NEDD1: variants seen among roughly 807,000 people sequenced by gnomAD.
The protein encoded by NEDD1 is protein NEDD1.
In NEDD1, 33 loss-of-function variants were observed where a neutral mutation model predicts 74.0. That is an observed-to-expected ratio of 0.45 (90% CI 0.34 to 0.60). The LOEUF (loss-of-function observed/expected upper bound fraction) is 0.60, where lower values mean the gene tolerates loss of function less well. NEDD1 is among the 20% of genes least tolerant of loss of function. The pLI is 0.01. For synonymous variants in NEDD1, 250 were observed against 264.4 expected, an observed-to-expected ratio of 0.95 and a Z score of 0.53; for missense variants, 746 against 776.5, an observed-to-expected ratio of 0.96 and a Z score of 0.47.
intron 4 of NEDD1, among the ~76,000 whole-genome samples, chr12:96,913,260 G>A (rs1874106175): frequency 6.6e-6 from 1 of 152,142 alleles, no homozygotes; most frequent in Non-Finnish European, 1.5e-5. Flanking sequence ...CACCTGTACT[G>A]AGGGGCCTGT....
At chr12:96,927,639 A>T (rs1161831107) in intron 6 of NEDD1, among the ~76,000 whole-genome samples, 1 of 152,210 alleles carries the variant, frequency 6.6e-6, no homozygotes, top group Non-Finnish European at 1.5e-5. Context: ...AGTATATGTT[A>T]TTCAGTATAT....
intron 3 of NEDD1, 186 bp from the exon 4 acceptor site, chr12:96,912,537 T>C: frequency 2.3e-6 from 1 of 426,076 alleles, no homozygotes; most frequent in Non-Finnish European, 4.1e-6. Flanking sequence ...TTCCCTGCAG[T>C]AGTAGCAAAG....
intron 3 of NEDD1, among the ~76,000 whole-genome samples, chr12:96,911,700 G>A (rs536340804): frequency 6.6e-6 from 1 of 152,110 alleles, no homozygotes; most frequent in African/African-American, 2.4e-5. Context: ...TATATTCTAA[G>A]GAGAAAAGTA....
Position 96,920,070 on chromosome 12 carries a change from T to C in NEDD1, c.434T>C (p.Leu145Ser). The change falls in exon 6 of 16, where the codon TTA becomes TCA. Residue 145 changes from leucine (L) to serine (S), a missense_variant. Around this residue, in one of 3 missense-constraint regions of NEDD1, gnomAD observed 706 missense variants for 706.7 expected, o/e 1.00. Coordinates refer to ENST00000266742, the MANE Select transcript of NEDD1 (RefSeq NM_152905.4). The part of the protein sequence containing the change: ...ASGSLSGEII[L>S]HSVTTNLSST... ...GGATCTCTTAGTGGTGAAATTATTT[T>C]ACACAGTGTAACCACTAATTTATCT... The C allele has an allele frequency of 6.2e-7, 1 of 1,605,246 alleles. No individual in the cohort carries two copies. The highest frequency in any genetic ancestry group is 8.5e-7 in the Non-Finnish European group (1 of 1,172,376).
chr12:96,943,638 A>T lies in NEDD1; in HGVS notation c.1373A>T (p.His458Leu). ...GTAACTTCAAGTACTTCAGTATTGC[A>T]TTCTAGTCCTCTTAATGTTTTTATG... ...NPVTSSTSVL[H>L]SSPLNVFMGS... The change falls in exon 12 of 16, where the codon CAT becomes CTT. Residue 458 changes from histidine (H) to leucine (L), a missense_variant. Physicochemically the swap from His to Leu is moderately conservative, Grantham distance 99. Coordinates refer to ENST00000266742, the MANE Select transcript of NEDD1 (RefSeq NM_152905.4). 1 of 1,611,954 alleles carries T rather than the reference A, an allele frequency of 6.2e-7. No individual in the cohort carries two copies. The highest frequency in any genetic ancestry group is 2.2e-5 in the East Asian group (1 of 44,836).
chr12:96,908,621 C>A (rs1257705273), intron 2 of NEDD1, among the ~76,000 whole-genome samples: 1 of 152,102 alleles, frequency 6.6e-6, no homozygotes, highest in Non-Finnish European at 1.5e-5. Flanking sequence ...CAGCTGTATG[C>A]TCTGAATAAA....
chr12:96,915,612 G>A (rs905036560), intron 4 of NEDD1, among the ~76,000 whole-genome samples: 2 of 152,168 alleles, frequency 1.3e-5, no homozygotes, highest in African/African-American at 4.8e-5. Flanking sequence ...ATCCAAGGAT[G>A]CACTGTGGAA....
chr12:96,926,050 A>G (rs1034740396), intron 6 of NEDD1, among the ~76,000 whole-genome samples: 1 of 152,238 alleles, frequency 6.6e-6, no homozygotes, highest in African/African-American at 2.4e-5. Flanking sequence ...TTTGATGGCT[A>G]AATGAGATGG....
intron 6 of NEDD1, among the ~76,000 whole-genome samples, chr12:96,932,670 G>T (rs894415768): frequency 6.7e-6 from 1 of 150,266 alleles, no homozygotes; most frequent in African/African-American, 2.4e-5. Context: ...AGAAATAATT[G>T]GAGACATTTA....
chr12:96,909,111 G>T (rs1292750961), intron 2 of NEDD1, among the ~76,000 whole-genome samples: 2 of 149,834 alleles, frequency 1.3e-5, no homozygotes. Context: ...GGAAGGCGGA[G>T]GTTGTGGTGA....
At chr12:96,916,018 A>G (rs1023798891) in intron 4 of NEDD1, among the ~76,000 whole-genome samples, 1 of 152,116 alleles carries the variant, frequency 6.6e-6, no homozygotes, top group African/African-American at 2.4e-5. Flanking sequence ...GGGTTCAGTG[A>G]ATTTAGCTTT....
intron 9 of NEDD1, 53 bp from the exon 10 acceptor site, chr12:96,940,356 A>G (rs1467537357): frequency 1.8e-6 from 2 of 1,137,420 alleles, no homozygotes; most frequent in Non-Finnish European, 2.5e-6. Flanking sequence ...CTAGCTTATG[A>G]TAAAATTTAT....
chr12:96,915,254 C>T lies in NEDD1; in HGVS notation c.232-2367C>T, dbSNP rs535389427. On this transcript the variant is annotated intron_variant, in intron 4 of 15. Transcript: ENST00000266742. Reference sequence around the variant, plus strand: ...AGTGAACACAAATCTATTTGATTTCCTTGAAGCATTTTTGACCCCCTTAAA... The same window carrying T: ...AGTGAACACAAATCTATTTGATTTCTTTGAAGCATTTTTGACCCCCTTAAA... 1.1e-4 allele frequency among the ~76,000 whole-genome samples: 17 copies of T among 152,256 alleles called. No homozygotes were observed. In the South Asian group the frequency reaches 3.5e-3, roughly 32 times the overall value.
chr12:96,935,177 A>G lies in NEDD1; in HGVS notation c.691A>G (p.Ile231Val). ...LFVTIGLDKRIILYDTSSKKL... is the reference protein window; with the variant it reads ...LFVTIGLDKRVILYDTSSKKL... Reference sequence around the variant, plus strand: ...TGTAACCATAGGCTTGGATAAAAGAATCATCCTCTATGACACTTCAAGTAA... The same window carrying G: ...TGTAACCATAGGCTTGGATAAAAGAGTCATCCTCTATGACACTTCAAGTAA... The change falls in exon 7 of 16, where the codon ATC becomes GTC. Residue 231 changes from isoleucine to valine, a missense_variant. This residue lies in a region of NEDD1 where 706 missense variants were observed against 706.7 expected (regional missense o/e 1.00). Transcript: ENST00000266742. The G allele has an allele frequency of 6.2e-7, 1 of 1,600,506 alleles. No individual in the cohort carries two copies. Among genetic ancestry groups the G allele is most frequent in the Non-Finnish European group, 8.6e-7 (1 of 1,167,484 alleles).
Position 96,936,923 on chromosome 12 carries a change from A to G in NEDD1, c.921+111A>G, listed in dbSNP as rs1877163842. On this transcript the variant is annotated intron_variant, in intron 8 of 15. Coordinates refer to ENST00000266742, the MANE Select transcript of NEDD1 (RefSeq NM_152905.4). The stretch of plus-strand genomic sequence containing the variant: ...TATAGTTTTGTTTCATAATTACATA[A>G]TGATTTTACATGTAATGTATAATAA... 4 of 640,538 alleles carry G rather than the reference A, an allele frequency of 6.2e-6. No individual in the cohort carries two copies. In the South Asian group the frequency reaches 9.9e-5, roughly 16 times the overall value. The allele number at this position is 640,538 out of a possible 1,614,324, so 39.7% of individuals were successfully genotyped here.
At chr12:96,911,545 G>T (rs1439033504) in intron 3 of NEDD1, among the ~76,000 whole-genome samples, 2 of 152,138 alleles carry the variant, frequency 1.3e-5, no homozygotes, top group South Asian at 2.1e-4. Flanking sequence ...CAAGAATGGG[G>T]TTAATGTGAG....
At chr12:96,938,570 G>A (rs748273638) in intron 9 of NEDD1, among the ~76,000 whole-genome samples, 21 of 151,982 alleles carry the variant, frequency 1.4e-4, no homozygotes, top group Non-Finnish European at 2.5e-4. Flanking sequence ...CAAAGGCTTG[G>A]ATCTTTCAGG....
intron 6 of NEDD1, among the ~76,000 whole-genome samples, chr12:96,932,463 AATATATATAT>A (rs1555203253): frequency 6.4e-4 from 6 of 9,436 alleles, no homozygotes; most frequent in Non-Finnish European, 1.2e-3. Flanking sequence ...AAAAAAAAAA[AATATATATAT>A]ATATATATAT....
intron 2 of NEDD1, among the ~76,000 whole-genome samples, chr12:96,908,487 T>G (rs1012254492): frequency 6.6e-6 from 1 of 152,238 alleles, no homozygotes; most frequent in Non-Finnish European, 1.5e-5. Flanking sequence ...GAGCATCTTT[T>G]TTTCTCACTT....
Sources: gnomAD v4.1 joint callset for allele counts (sites outside exome capture counted in the v4.1 genomes callset) on GRCh38, gnomAD v4.1.1 for gene constraint, gnomAD v4.1.1 regional missense constraint, MANE v1.5 for transcripts, NCBI Gene and HGNC (gene_info 2026-07-23, HGNC 2026-07-21) for gene names.